COL26A1: variants seen among roughly 807,000 people sequenced by gnomAD.
The protein encoded by COL26A1 is collagen alpha-1(XXVI) chain.
In COL26A1, 41 loss-of-function variants were observed where a neutral mutation model predicts 59.3. The observed-to-expected ratio is 0.69, with a 90% CI of 0.54 to 0.90. COL26A1 has a LOEUF of 0.90. Among genes scored for constraint, COL26A1 ranks in the 40% least tolerant of loss-of-function variants. The pLI is 0.00. For missense variants in COL26A1, 612 were observed against 602.3 expected (o/e 1.02, Z -0.17); for synonymous variants, 266 against 256.0 (o/e 1.04, Z -0.37).
intron 2 of COL26A1, among the ~76,000 whole-genome samples, chr7:101,446,046 C>CAAAAAAA (rs60343304): frequency 5.9e-5 from 3 of 50,994 alleles, no homozygotes; most frequent in Non-Finnish European, 1.1e-4. Context: ...GACTCCGTCT[C>CAAAAAAA]AAAAAAAAAA....
intron 3 of COL26A1, among the ~76,000 whole-genome samples, chr7:101,513,937 G>A (rs1259310598): frequency 6.6e-6 from 1 of 152,072 alleles, no homozygotes; most frequent in Admixed American, 6.6e-5. Flanking sequence ...TAGGAAAACG[G>A]GTCAAGGGCA....
intron 2 of COL26A1, among the ~76,000 whole-genome samples, chr7:101,435,634 G>A (rs911224764): frequency 5.3e-5 from 8 of 151,990 alleles, no homozygotes; most frequent in Non-Finnish European, 7.4e-5. Flanking sequence ...CACCACCCTA[G>A]TCCCCTCCTA....
intron 1 of COL26A1, among the ~76,000 whole-genome samples, chr7:101,393,017 T>A (rs1038246047): frequency 6.6e-6 from 1 of 151,772 alleles, no homozygotes; most frequent in East Asian, 1.9e-4. Context: ...TTTTTTTTTT[T>A]TTTGAGATGG....
chr7:101,445,535 T>G, intron 2 of COL26A1, among the ~76,000 whole-genome samples: 1 of 145,954 alleles, frequency 6.9e-6, no homozygotes. Flanking sequence ...ATCGAGACCA[T>G]CCCGGCTAAA....
At chr7:101,419,540 C>T (rs533794684) in intron 1 of COL26A1, among the ~76,000 whole-genome samples, 2 of 152,064 alleles carry the variant, frequency 1.3e-5, no homozygotes, top group South Asian at 2.1e-4. Context: ...GTCAGTTGGT[C>T]GGTTGGTCGG....
At chr7:101,465,079 C>T (rs1378502638) in intron 3 of COL26A1, among the ~76,000 whole-genome samples, 1 of 148,548 alleles carries the variant, frequency 6.7e-6, no homozygotes, top group Admixed American at 6.7e-5. Flanking sequence ...ATTCTGTTGC[C>T]CAGGCTGGAA....
intron 3 of COL26A1, among the ~76,000 whole-genome samples, chr7:101,489,830 CT>C (rs1356746774): frequency 8.6e-5 from 1 of 11,574 alleles, no homozygotes; most frequent in Admixed American, 9.8e-4. Flanking sequence ...TTCTTTCTTT[CT>C]TTCTTTCTTT....
chr7:101,388,593 TCA>T (rs1272810213), intron 1 of COL26A1, among the ~76,000 whole-genome samples: 2 of 150,278 alleles, frequency 1.3e-5, no homozygotes, highest in African/African-American at 4.9e-5. Context: ...TGAGACAGTC[TCA>T]CTCTGTTGCC....
intron 2 of COL26A1, among the ~76,000 whole-genome samples, chr7:101,425,253 C>T (rs1244140294): frequency 4.1e-5 from 6 of 147,516 alleles, no homozygotes; most frequent in African/African-American, 1.5e-4. Context: ...GGCGTGGTGG[C>T]GGGTGCCTCT....
chr7:101,422,158 G>A lies in COL26A1; in HGVS notation c.281+2059G>A, dbSNP rs1380972257. On this transcript the variant is annotated intron_variant, in intron 2 of 12. Coordinates refer to ENST00000313669, the MANE Select transcript of COL26A1 (RefSeq NM_001278563.3). ...GAAACCCAGTCTTTACTAAAAATAC[G>A]AAAATTAGCCAGACGTGGTGGTGGG... Among the ~76,000 whole-genome samples the A allele has an allele frequency of 2.0e-5, 3 of 151,506 alleles. No individual in the cohort carries two copies. In the East Asian group the frequency reaches 5.8e-4, roughly 30 times the overall value.
At chr7:101,380,910 A>T (rs753193172) in intron 1 of COL26A1, among the ~76,000 whole-genome samples, 3 of 152,142 alleles carry the variant, frequency 2.0e-5, no homozygotes, top group Non-Finnish European at 4.4e-5. Context: ...AGAGATGGCA[A>T]ATTCTCCCAG....
chr7:101,407,236 G>T (rs1331134219), intron 1 of COL26A1, among the ~76,000 whole-genome samples: 2 of 152,118 alleles, frequency 1.3e-5, no homozygotes, highest in African/African-American at 4.8e-5. Flanking sequence ...GCCCTCTGGG[G>T]CCATGAGAGC....
At chr7:101,404,456 CA>C (rs1249139563) in intron 1 of COL26A1, among the ~76,000 whole-genome samples, 4 of 152,280 alleles carry the variant, frequency 2.6e-5, no homozygotes, top group African/African-American at 9.6e-5. Flanking sequence ...TGGCTTTGGG[CA>C]AATCTCAATG....
chr7:101,390,157 T>TTTG (rs1165645743), intron 1 of COL26A1, among the ~76,000 whole-genome samples: 108 of 98,436 alleles, frequency 1.1e-3, no homozygotes, highest in African/African-American at 4.1e-3. Flanking sequence ...GGTTTTTTTT[T>TTTG]TTTTTTTTTT....
At chr7:101,521,292 T>G (rs966471593) in intron 3 of COL26A1, among the ~76,000 whole-genome samples, 1 of 152,166 alleles carries the variant, frequency 6.6e-6, no homozygotes, top group Non-Finnish European at 1.5e-5. Context: ...GAGATTTGGG[T>G]GGGGACACAG....
chr7:101,546,401 A>ATT (rs79673492), intron 7 of COL26A1, among the ~76,000 whole-genome samples: 19 of 141,898 alleles, frequency 1.3e-4, no homozygotes, highest in South Asian at 4.6e-4. Flanking sequence ...CATCTAACTA[A>ATT]TTTTTTTTTT....
chr7:101,482,377 A>G (rs1794175224), intron 3 of COL26A1, among the ~76,000 whole-genome samples: 1 of 152,030 alleles, frequency 6.6e-6, no homozygotes. Context: ...AAAATAGCCC[A>G]TTTTCTCTCA....
At chr7:101,370,457 G>A (rs1488671007) in intron 1 of COL26A1, among the ~76,000 whole-genome samples, 1 of 151,930 alleles carries the variant, frequency 6.6e-6, no homozygotes, top group Non-Finnish European at 1.5e-5. Context: ...TGCAACCTCC[G>A]CTTCCCAGGT....
intron 3 of COL26A1, among the ~76,000 whole-genome samples, chr7:101,465,691 CAAA>C (rs539721605): frequency 0.083 from 8,453 of 102,370 alleles, 333 homozygotes; most frequent in East Asian, 0.4. Context: ...GAAACTGTCT[CAAA>C]AAAAAAAAAA....
Sources: allele counts gnomAD v4.1 joint callset (sites outside exome capture counted in the v4.1 genomes callset), GRCh38; gene constraint gnomAD v4.1.1; transcripts MANE v1.5; gene names NCBI Gene and HGNC (gene_info 2026-07-23, HGNC 2026-07-21).